Variants in ZNF518B observed in about 807,000 individuals in gnomAD.
ZNF518B encodes the protein zinc finger protein 518B.
Under a neutral mutation model 56.3 loss-of-function variants are expected in ZNF518B, and 23 were observed. The observed-to-expected ratio is 0.41, with a 90% CI of 0.29 to 0.58. ZNF518B has a LOEUF of 0.58. Ranked by LOEUF, ZNF518B falls within the 20% of genes least tolerant of loss-of-function variation. ZNF518B has a pLI of 0.32. For synonymous variants in ZNF518B, 529 were observed against 465.9 expected (o/e 1.14, Z -1.74); for missense variants, 1,460 against 1,272.1 (o/e 1.15, Z -2.25).
chr4:10,457,861 C>A (rs1198902370), upstream of ZNF518B, among the ~76,000 whole-genome samples: 1 of 152,240 alleles, frequency 6.6e-6, no homozygotes, highest in East Asian at 1.9e-4. Context: ...GTCCTGGGTA[C>A]AAATCCTGAC....
Position 10,445,711 on chromosome 4 carries a change from G to A in ZNF518B, c.618C>T (p.Val206=), listed in dbSNP as rs761684778. ...TTTCATGTACTCTCTTCGTGTGTTT[G>A]ACAATATAATCATTTCTAATAGCAC... is the stretch of plus-strand genomic sequence containing the variant. ...DYGAIRNDYI[V]KHTKRVHERA... The change falls in exon 3 of 3, where the codon GTC becomes GTT. Residue 206 remains valine (V), a synonymous_variant. Coordinates refer to ENST00000326756, the MANE Select transcript of ZNF518B (RefSeq NM_053042.3). The A allele has an allele frequency of 6.2e-7, 1 of 1,614,016 alleles. No homozygotes were observed. Among genetic ancestry groups the A allele is most frequent in the Non-Finnish European group, 8.5e-7 (1 of 1,180,030 alleles).
chr4:10,444,054 T>C lies in ZNF518B; in HGVS notation c.2275A>G (p.Arg759Gly), dbSNP rs1714829693. The C allele has an allele frequency of 6.2e-7, 1 of 1,614,116 alleles. No homozygotes were observed. The highest frequency in any genetic ancestry group is 8.5e-7 in the Non-Finnish European group (1 of 1,180,050). The change falls in exon 3 of 3, where the codon AGA becomes GGA. Residue 759 changes from arginine (R) to glycine (G), a missense_variant. Transcript: ENST00000326756. ...GCAACATGAGCCTTCCTGGCCACTC[T>C]GCTTTTGGTTTTCCTATTACTGCCA... ...ADGSNRKTKS[R>G]VARKAHVATP...
upstream of ZNF518B, among the ~76,000 whole-genome samples, chr4:10,461,065 T>C (rs1266399610): frequency 2.0e-5 from 3 of 152,240 alleles, no homozygotes; most frequent in Non-Finnish European, 4.4e-5. Flanking sequence ...CGCCTCACAG[T>C]CCTGGGGTGC....
chr4:10,458,176 T>G (rs1715628229), upstream of ZNF518B, among the ~76,000 whole-genome samples: 1 of 152,096 alleles, frequency 6.6e-6, no homozygotes, highest in Non-Finnish European at 1.5e-5. Context: ...GAATAGAGCC[T>G]CTAAGAGGAA....
At chr4:10,451,297 A>C (rs890442411) in intron 2 of ZNF518B, 4 of 152,268 alleles carry the variant, frequency 2.6e-5, no homozygotes, top group Non-Finnish European at 4.4e-5. Flanking sequence ...TGACTTCTAA[A>C]TACTGGAAAC....
In ZNF518B at chr4:10,450,673, T is replaced by C. The variant is rs985766589; in HGVS notation, c.-212+4132A>G. Among the ~76,000 whole-genome samples the C allele has an allele frequency of 2.6e-5, 4 of 152,172 alleles. No individual in the cohort carries two copies. The South Asian group carries it at 8.3e-4, about 31-fold the overall frequency. ...GGCAAGTTATGACTCTCTGGATGGA[T>C]GACCAAGGAGTACAAAAAGACACCG... is the stretch of plus-strand genomic sequence containing the variant. On this transcript the variant is annotated intron_variant, in intron 2 of 2. Coordinates refer to ENST00000326756, the MANE Select transcript of ZNF518B (RefSeq NM_053042.3).
At chr4:10,456,841 G>A (rs1034323884) in intron 1 of ZNF518B, among the ~76,000 whole-genome samples, 7 of 152,174 alleles carry the variant, frequency 4.6e-5, no homozygotes, top group Non-Finnish European at 5.9e-5. Flanking sequence ...GGCGCGGACG[G>A]TAGGAGCCCT....
rs1339054404 is a variant in ZNF518B at position 10,442,958 on chromosome 4, C to A, written c.*146G>T. 1.4e-6 allele frequency: 1 copy of A among 729,276 alleles called. No homozygotes were observed. Among genetic ancestry groups the A allele is most frequent in the Non-Finnish European group, 2.2e-6 (1 of 460,674 alleles). 45.2% of individuals were successfully genotyped at this position (729,276 alleles called of 1,614,324 possible). ...TCCAATCACATACTTCAGGTTCAGA[C>A]TCCTAGCTCCCAATATTCCTACAGT... On this transcript the variant is annotated 3_prime_UTR_variant, in exon 3 of 3. Coordinates refer to ENST00000326756, the MANE Select transcript of ZNF518B (RefSeq NM_053042.3).
Position 10,446,072 on chromosome 4 carries a change from C to A in ZNF518B, c.257G>T (p.Cys86Phe). 6.2e-7 allele frequency: 1 copy of A among 1,614,150 alleles called. No homozygotes were observed. Among genetic ancestry groups the A allele is most frequent in the Non-Finnish European group, 8.5e-7 (1 of 1,180,034 alleles). The change falls in exon 3 of 3, where the codon TGC (cysteine) becomes TTC (phenylalanine). Residue 86 changes from cysteine to phenylalanine, a missense_variant. Coordinates refer to ENST00000326756, the MANE Select transcript of ZNF518B (RefSeq NM_053042.3). Reference sequence around the variant, plus strand: ...AGCTGCACCGAGGCTGCACTGGAAGCAGACATACATACCGTCCTTCCCTGT... The same window carrying A: ...AGCTGCACCGAGGCTGCACTGGAAGAAGACATACATACCGTCCTTCCCTGT... Reference protein sequence around the residue: ...KGTGKDGMYVCFQCSLGAAPP... With the variant: ...KGTGKDGMYVFFQCSLGAAPP...
In ZNF518B at chr4:10,445,611, GGTTTT is replaced by G; in HGVS notation, c.713_717del (p.Gln238ProfsTer16). 1 of 1,614,094 alleles carries G rather than the reference GGTTTT, an allele frequency of 6.2e-7. No homozygotes were observed. Among genetic ancestry groups the G allele is most frequent in the African/African-American group, 1.3e-5 (1 of 75,018 alleles). On this transcript the variant is annotated frameshift_variant, in exon 3 of 3. Coordinates refer to ENST00000326756, the MANE Select transcript of ZNF518B (RefSeq NM_053042.3). LOFTEE classifies it high-confidence loss of function. Reference sequence around the variant, plus strand: ...GGATTGGAAGCTTTTAGAAGCTCTGGGTTTTGTTTTGAAGTTCCGGTTCTTTTTGG... The same window carrying G: ...GGATTGGAAGCTTTTAGAAGCTCTGGGTTTTGAAGTTCCGGTTCTTTTTGG...
In ZNF518B at chr4:10,443,575, C is replaced by G; in HGVS notation, c.2754G>C (p.Gln918His). ...CTATCAGTCTTAGTTGCCTTGCAAC[C>G]TGAAAAATTGAAGGATCCTTGAGAC... is the stretch of plus-strand genomic sequence containing the variant. ...SRCLKDPSIFQVARQLRLIAA... is the reference protein window; with the variant it reads ...SRCLKDPSIFHVARQLRLIAA... Residue 918 changes from glutamine to histidine, a missense_variant, in exon 3 of 3, where the codon CAG becomes CAC. By Grantham distance (24) the Gln-to-His change is conservative. Coordinates refer to ENST00000326756, the MANE Select transcript of ZNF518B (RefSeq NM_053042.3). 6.2e-7 allele frequency: 1 copy of G among 1,614,170 alleles called. No homozygotes were observed. Among genetic ancestry groups the G allele is most frequent in the Non-Finnish European group, 8.5e-7 (1 of 1,180,042 alleles).
At chr4:10,449,977 A>G (rs1715235681) in intron 2 of ZNF518B, among the ~76,000 whole-genome samples, 1 of 152,202 alleles carries the variant, frequency 6.6e-6, no homozygotes, top group Admixed American at 6.5e-5. Flanking sequence ...GGAAGGTATC[A>G]TTTATTCTAA....
At chr4:10,453,515 T>A (rs980409384) in intron 2 of ZNF518B, 3 of 151,946 alleles carry the variant, frequency 2.0e-5, no homozygotes, top group African/African-American at 7.3e-5. Flanking sequence ...AAGAAAAAAA[T>A]ATTTGTAAAA....
At chr4:10,458,998 C>G (rs1312463148), upstream of ZNF518B, among the ~76,000 whole-genome samples, 1 of 152,182 alleles carries the variant, frequency 6.6e-6, no homozygotes. Flanking sequence ...ATGTAAGGTA[C>G]CTGTGGGTCT....
upstream of ZNF518B, among the ~76,000 whole-genome samples, chr4:10,458,915 T>A (rs1715653750): frequency 6.6e-6 from 1 of 152,196 alleles, no homozygotes; most frequent in African/African-American, 2.4e-5. Flanking sequence ...CTAAACTTTA[T>A]AAGGAGAGGC....
rs375727129 is a variant in ZNF518B at position 10,444,384 on chromosome 4, C to T, written c.1945G>A (p.Gly649Ser). 3.1e-6 allele frequency: 5 copies of T among 1,614,168 alleles called. No individual in the cohort carries two copies. Among genetic ancestry groups the T allele is most frequent in the Admixed American group, 3.3e-5 (2 of 60,026 alleles). The change falls in exon 3 of 3, where the codon GGC (glycine) becomes AGC (serine). Residue 649 changes from glycine to serine, a missense_variant. Coordinates refer to ENST00000326756, the MANE Select transcript of ZNF518B (RefSeq NM_053042.3). ...LSSGSENVPE[G>S]IKWNSSTSKI... ...GACGTTGAGCTATTCCACTTAATGC[C>T]CTCGGGGACATTTTCAGATCCAGAG...
Position 10,444,407 on chromosome 4 carries a change from G to A in ZNF518B, c.1922C>T (p.Ser641Phe). The A allele has an allele frequency of 6.2e-7, 1 of 1,614,166 alleles. No homozygotes were observed. The change falls in exon 3 of 3, where the codon TCT becomes TTT. Residue 641 changes from serine (S) to phenylalanine (F), a missense_variant. By Grantham distance (155) the Ser-to-Phe change is radical. Coordinates refer to ENST00000326756, the MANE Select transcript of ZNF518B (RefSeq NM_053042.3). Reference protein sequence around the residue: ...PVISSVFSLSSGSENVPEGIK... With the variant: ...PVISSVFSLSFGSENVPEGIK... ...GCCCTCGGGGACATTTTCAGATCCA[G>A]AGCTCAGAGAAAATACTGATGAGAT...
In ZNF518B at chr4:10,444,462, T is replaced by C. The variant is rs1384810478; in HGVS notation, c.1867A>G (p.Arg623Gly). ...DKPLELKNSE[R>G]TNNTNDGPVI... is the part of the protein sequence containing the mutation. ...GGGCCATCATTAGTGTTGTTAGTCC[T>C]TTCAGAATTCTTTAATTCCAAAGGC... Residue 623 changes from arginine to glycine, a missense_variant, in exon 3 of 3, where the codon AGG becomes GGG. By Grantham distance (125) the Arg-to-Gly change is moderately radical. Transcript: ENST00000326756. 1.2e-6 allele frequency: 2 copies of C among 1,614,242 alleles called. No individual in the cohort carries two copies. The highest frequency in any genetic ancestry group is 1.7e-6 in the Non-Finnish European group (2 of 1,180,046).
intron 1 of ZNF518B, among the ~76,000 whole-genome samples, chr4:10,456,870 T>C (rs1442107238): frequency 1.3e-5 from 2 of 152,012 alleles, no homozygotes; most frequent in African/African-American, 4.8e-5. Flanking sequence ...GCATCCTTCA[T>C]AACGCTGGGG....
Sources: gnomAD v4.1 joint callset for allele counts (sites outside exome capture counted in the v4.1 genomes callset) on GRCh38, gnomAD v4.1.1 for gene constraint, MANE v1.5 for transcripts, NCBI Gene and HGNC (gene_info 2026-07-23, HGNC 2026-07-21) for gene names.